The following SGIP1 variants were observed in gnomAD, a reference collection of about 807,000 sequenced individuals.
SGIP1 encodes the protein SH3-containing GRB2-like protein 3-interacting protein 1.
A neutral mutation model predicts 107.5 loss-of-function variants in SGIP1; 38 were observed. The observed-to-expected ratio is 0.35, with a 90% CI of 0.27 to 0.46. The LOEUF is 0.46. Ranked by LOEUF, SGIP1 falls within the 20% of genes least tolerant of loss-of-function variation. The probability of loss-of-function intolerance (pLI) is 1.00; values close to 1 mark genes in which losing one functional copy is unlikely to be tolerated. For synonymous variants in SGIP1, 365 were observed against 366.1 expected (o/e 1.00, Z 0.03); for missense variants, 929 against 1,019.5 (o/e 0.91, Z 1.21).
At chr1:66,594,956 A>G (rs181209946) in intron 1 of SGIP1, among the ~76,000 whole-genome samples, 1 of 152,260 alleles carries the variant, frequency 6.6e-6, no homozygotes, top group African/African-American at 2.4e-5. Context: ...CTCTCTCAGA[A>G]TGAGATGTTT....
intron 2 of SGIP1, among the ~76,000 whole-genome samples, chr1:66,627,132 A>G (rs1435169714): frequency 6.6e-6 from 1 of 152,072 alleles, no homozygotes; most frequent in Non-Finnish European, 1.5e-5. Flanking sequence ...AGTTGCTGGT[A>G]CTCTTATTAT....
At chr1:66,707,414 C>T (rs2092602414) in intron 18 of SGIP1, among the ~76,000 whole-genome samples, 1 of 152,082 alleles carries the variant, frequency 6.6e-6, no homozygotes, top group African/African-American at 2.4e-5. Flanking sequence ...TATTTATAAC[C>T]TTGACCTCTT....
chr1:66,633,197 T>C, intron 3 of SGIP1, 103 bp downstream of exon 3: 7 of 773,558 alleles, frequency 9.0e-6, no homozygotes, highest in Non-Finnish European at 1.5e-5. Context: ...AAAAATAGCT[T>C]GAATGACTTT....
At chr1:66,647,976 G>T (rs147803926) in intron 7 of SGIP1, among the ~76,000 whole-genome samples, 1 of 152,244 alleles carries the variant, frequency 6.6e-6, no homozygotes, top group East Asian at 1.9e-4. Context: ...GTTTTTTAAG[G>T]AGTGACCTTG....
chr1:66,675,507 T>C (rs986402512), intron 12 of SGIP1, among the ~76,000 whole-genome samples: 1 of 150,960 alleles, frequency 6.6e-6, no homozygotes, highest in East Asian at 1.9e-4. Flanking sequence ...CTTTCTGTCT[T>C]TCTTTTTCGT....
At chr1:66,568,678 C>A (rs968266512) in intron 1 of SGIP1, among the ~76,000 whole-genome samples, 3 of 151,766 alleles carry the variant, frequency 2.0e-5, no homozygotes, top group African/African-American at 7.2e-5. Context: ...CATGATCAAG[C>A]AGGCTTCATC....
chr1:66,627,503 A>T (rs2073157997), intron 2 of SGIP1, among the ~76,000 whole-genome samples: 1 of 152,174 alleles, frequency 6.6e-6, no homozygotes, highest in South Asian at 2.1e-4. Flanking sequence ...CTACTTCCAT[A>T]GGCAGTGGGC....
intron 15 of SGIP1, among the ~76,000 whole-genome samples, chr1:66,687,531 G>A (rs1282475740): frequency 6.6e-6 from 1 of 152,044 alleles, no homozygotes; most frequent in Non-Finnish European, 1.5e-5. Context: ...AATAAGAACA[G>A]ACTTTATGCA....
Position 66,741,376 on chromosome 1 carries a change from G to A in SGIP1, c.2404G>A (p.Asp802Asn), listed in dbSNP as rs753349434. ...TSEGSTLSGC[D>N]IELVGAGYRF... ...TGAAGGAAGCACCCTTTCTGGCTGTGACATTGAACTTGTTGGAGCAGGGTA... is the reference window on the plus strand; with the variant it reads ...TGAAGGAAGCACCCTTTCTGGCTGTAACATTGAACTTGTTGGAGCAGGGTA... The change falls in exon 24 of 25, where the codon GAC becomes AAC. Residue 802 changes from aspartate (D) to asparagine (N), a missense_variant. By Grantham distance (23) the Asp-to-Asn change is conservative. Coordinates refer to ENST00000371037, the MANE Select transcript of SGIP1 (RefSeq NM_032291.4). 3.1e-6 allele frequency: 5 copies of A among 1,610,842 alleles called. No individual in the cohort carries two copies. In the East Asian group the frequency reaches 1.1e-4, roughly 36 times the overall value.
intron 3 of SGIP1, among the ~76,000 whole-genome samples, chr1:66,634,455 C>G (rs988055835): frequency 6.6e-6 from 1 of 152,184 alleles, no homozygotes; most frequent in African/African-American, 2.4e-5. Context: ...ACCCTGGTAC[C>G]TGGTACAGCA....
intron 13 of SGIP1, 83 bp from the exon 14 acceptor site, chr1:66,679,595 G>A: frequency 7.1e-7 from 1 of 1,417,236 alleles, no homozygotes; most frequent in Non-Finnish European, 9.6e-7. Flanking sequence ...ATAACTGAAA[G>A]CCCAAATCCT....
Position 66,673,337 on chromosome 1 carries a change from A to T in SGIP1, c.617A>T (p.Glu206Val). Reference protein sequence around the residue: ...ALAPLFGPPLESAFDEQKTEV... With the variant: ...ALAPLFGPPLVSAFDEQKTEV... ...GCTCCTCTCTTTGGCCCACCACTAG[A>T]ATCAGCTTTTGATGAACAGAAGACA... The change falls in exon 12 of 25, where the codon GAA becomes GTA. Residue 206 changes from glutamate (E) to valine (V), a missense_variant. By Grantham distance (121) the Glu-to-Val change is moderately radical (BLOSUM62 -2). Transcript: ENST00000371037. 2 of 1,612,566 alleles carry T rather than the reference A, an allele frequency of 1.2e-6. No individual in the cohort carries two copies. Among genetic ancestry groups the T allele is most frequent in the South Asian group, 2.2e-5 (2 of 90,496 alleles).
chr1:66,685,315 A>G (rs2087936453), intron 15 of SGIP1, among the ~76,000 whole-genome samples: 1 of 152,250 alleles, frequency 6.6e-6, no homozygotes, highest in Admixed American at 6.5e-5. Context: ...GGTACCTGCT[A>G]TTGAAAAGCA....
intron 2 of SGIP1, among the ~76,000 whole-genome samples, chr1:66,629,992 A>T (rs1178410806): frequency 2.0e-5 from 3 of 152,182 alleles, no homozygotes; most frequent in Non-Finnish European, 4.4e-5. Flanking sequence ...CAAAGGGGTG[A>T]AGTAACTTGC....
At chr1:66,618,512 C>A (rs1331040878) in intron 1 of SGIP1, among the ~76,000 whole-genome samples, 1 of 152,170 alleles carries the variant, frequency 6.6e-6, no homozygotes, top group Non-Finnish European at 1.5e-5. Context: ...CATGACCATT[C>A]TGAAAGAAGT....
intron 24 of SGIP1, among the ~76,000 whole-genome samples, chr1:66,742,847 A>T (rs891144476): frequency 2.0e-5 from 3 of 152,084 alleles, no homozygotes; most frequent in African/African-American, 7.2e-5. Context: ...CAAACCCCAA[A>T]CCTCTGCAAA....
intron 1 of SGIP1, among the ~76,000 whole-genome samples, chr1:66,620,374 T>C (rs1349905791): frequency 1.3e-5 from 2 of 152,184 alleles, no homozygotes; most frequent in Non-Finnish European, 2.9e-5. Flanking sequence ...GTACTAGCCG[T>C]TCTGACACTG....
chr1:66,643,153 C>T (rs1042305059), intron 6 of SGIP1, among the ~76,000 whole-genome samples: 1 of 110,272 alleles, frequency 9.1e-6, no homozygotes, highest in Non-Finnish European at 1.8e-5. Context: ...CTCTTACTGT[C>T]CTCTCCCTAC....
intron 18 of SGIP1, among the ~76,000 whole-genome samples, chr1:66,711,576 T>C (rs988290324): frequency 3.9e-5 from 6 of 152,162 alleles, no homozygotes; most frequent in African/African-American, 1.4e-4. Flanking sequence ...GCTTCATACA[T>C]CTTCTGGAGC....
Sources: allele counts gnomAD v4.1 joint callset (sites outside exome capture counted in the v4.1 genomes callset), GRCh38; gene constraint gnomAD v4.1.1; transcripts MANE v1.5; gene names NCBI Gene and HGNC (gene_info 2026-07-23, HGNC 2026-07-21).